JAZF1: variants seen among roughly 807,000 people sequenced by gnomAD.
The protein encoded by JAZF1 is juxtaposed with another zinc finger protein 1.
In JAZF1, 8 loss-of-function variants were observed where a neutral mutation model predicts 26.4. That is an observed-to-expected ratio of 0.30 (90% CI 0.18 to 0.55). The LOEUF (loss-of-function observed/expected upper bound fraction) is 0.55, where lower values mean the gene tolerates loss of function less well. Ranked by LOEUF, JAZF1 falls within the 20% of genes least tolerant of loss-of-function variation. The pLI is 0.94. For synonymous variants in JAZF1, 126 were observed against 122.3 expected (o/e 1.03, Z -0.20); for missense variants, 199 against 322.0 (o/e 0.62, Z 2.92).
intron 1 of JAZF1, among the ~76,000 whole-genome samples, chr7:28,158,342 C>T (rs560533943): frequency 1.1e-3 from 161 of 152,236 alleles, no homozygotes; most frequent in Middle Eastern, 3.4e-3. Context: ...ATTGGTGGGG[C>T]TTTCCAGTAA....
intron 1 of JAZF1, among the ~76,000 whole-genome samples, chr7:28,042,556 G>C (rs759019168): frequency 4.6e-5 from 7 of 152,210 alleles, no homozygotes; most frequent in Admixed American, 1.3e-4. Flanking sequence ...TTAACCAACT[G>C]CTTGGCAGGA....
At chr7:28,034,114 A>T (rs1783244201) in intron 1 of JAZF1, among the ~76,000 whole-genome samples, 1 of 152,174 alleles carries the variant, frequency 6.6e-6, no homozygotes, top group African/African-American at 2.4e-5. Flanking sequence ...CTAAAAAAAA[A>T]TTATCTTTTA....
intron 1 of JAZF1, among the ~76,000 whole-genome samples, chr7:28,122,364 G>C (rs9648026): frequency 6.6e-6 from 1 of 152,124 alleles, no homozygotes; most frequent in Non-Finnish European, 1.5e-5. Flanking sequence ...ATGCTCTGTA[G>C]CTCAGCTTAT....
At chr7:28,010,540 C>G (rs1782782884) in intron 1 of JAZF1, among the ~76,000 whole-genome samples, 1 of 152,202 alleles carries the variant, frequency 6.6e-6, no homozygotes, top group Admixed American at 6.5e-5. Context: ...AACACCTCGT[C>G]CTCACCTGCT....
intron 3 of JAZF1, chr7:27,864,137 G>A (rs1291134289): frequency 2.6e-5 from 4 of 152,234 alleles, no homozygotes; most frequent in African/African-American, 9.7e-5. Flanking sequence ...GATGCACAGA[G>A]GAGGCTGTGA....
chr7:27,966,423 G>A (rs1289749582), intron 2 of JAZF1, among the ~76,000 whole-genome samples: 1 of 152,212 alleles, frequency 6.6e-6, no homozygotes, highest in Non-Finnish European at 1.5e-5. Flanking sequence ...GTTTGGCAAC[G>A]GATGGAGGTA....
chr7:27,881,662 G>A (rs1222888280), intron 3 of JAZF1, among the ~76,000 whole-genome samples: 1 of 152,130 alleles, frequency 6.6e-6, no homozygotes, highest in Non-Finnish European at 1.5e-5. Context: ...ATCCTACATT[G>A]ATGGCCCAGC....
intron 1 of JAZF1, among the ~76,000 whole-genome samples, chr7:28,157,234 G>A (rs944464620): frequency 2.0e-5 from 3 of 152,234 alleles, no homozygotes; most frequent in African/African-American, 4.8e-5. Context: ...CCCACAGGCT[G>A]ATAAGCAGAC....
chr7:27,875,813 C>T (rs933966035), intron 3 of JAZF1, among the ~76,000 whole-genome samples: 1 of 152,212 alleles, frequency 6.6e-6, no homozygotes, highest in Non-Finnish European at 1.5e-5. Flanking sequence ...GATGTTTGTT[C>T]AGTATATTAA....
At chr7:28,021,642 G>A (rs1783009710) in intron 1 of JAZF1, among the ~76,000 whole-genome samples, 1 of 152,188 alleles carries the variant, frequency 6.6e-6, no homozygotes, top group Non-Finnish European at 1.5e-5. Flanking sequence ...GGCAGGGTCG[G>A]AGGACAGAGG....
chr7:27,911,661 G>T, intron 2 of JAZF1, among the ~76,000 whole-genome samples: 1 of 152,172 alleles, frequency 6.6e-6, no homozygotes, highest in East Asian at 1.9e-4. Context: ...ATTGAGCAGT[G>T]CTGTTACAAC....
chr7:28,072,048 C>T (rs989559857), intron 1 of JAZF1, among the ~76,000 whole-genome samples: 2 of 152,186 alleles, frequency 1.3e-5, no homozygotes, highest in Non-Finnish European at 2.9e-5. Flanking sequence ...GTCTTCTGTT[C>T]TAAAATCCAT....
At chr7:28,164,957 C>T (rs1783343542) in intron 1 of JAZF1, among the ~76,000 whole-genome samples, 1 of 152,080 alleles carries the variant, frequency 6.6e-6, no homozygotes, top group Admixed American at 6.5e-5. Context: ...TCACTTTAGC[C>T]CAGGAGTTTG....
At chr7:27,878,949 C>G (rs1783724557) in intron 3 of JAZF1, among the ~76,000 whole-genome samples, 1 of 152,178 alleles carries the variant, frequency 6.6e-6, no homozygotes, top group Non-Finnish European at 1.5e-5. Flanking sequence ...GTTTTCCATT[C>G]TTTTGAATAT....
At chr7:27,886,752 T>C (rs538175238) in intron 3 of JAZF1, among the ~76,000 whole-genome samples, 8 of 152,384 alleles carry the variant, frequency 5.2e-5, no homozygotes, top group African/African-American at 1.9e-4. Flanking sequence ...TGCTTTTCTG[T>C]ATCCCCAATA....
rs145377916 is a variant in JAZF1, at chr7:27,943,719, G to A, written c.188+48190C>T. Among the ~76,000 whole-genome samples, 573 of 152,304 alleles carry A rather than the reference G, an allele frequency of 3.8e-3. 2 individuals are homozygous for A. The highest frequency in any genetic ancestry group is 0.013 in the African/African-American group (542 of 41,558). ...CATTCGCTGCTTTCCCATAAAGTGA[G>A]CATGCCTGTGCTTTCTTTGATGAGT... On this transcript the variant is annotated intron_variant, in intron 2 of 4. Coordinates refer to ENST00000283928, the MANE Select transcript of JAZF1 (RefSeq NM_175061.4).
intron 1 of JAZF1, among the ~76,000 whole-genome samples, chr7:28,091,165 TTAC>T (rs1161464409): frequency 2.0e-5 from 3 of 152,148 alleles, no homozygotes; most frequent in Non-Finnish European, 2.9e-5. Flanking sequence ...ATTAAAATTA[TTAC>T]TATTTTTTCT....
At chr7:28,149,900 G>A (rs1382437546) in intron 1 of JAZF1, among the ~76,000 whole-genome samples, 3 of 152,154 alleles carry the variant, frequency 2.0e-5, no homozygotes, top group Non-Finnish European at 2.9e-5. Flanking sequence ...ATGCTGATTG[G>A]AAAGTCCCTT....
At chr7:28,162,622 G>A (rs1002616964) in intron 1 of JAZF1, among the ~76,000 whole-genome samples, 1 of 152,234 alleles carries the variant, frequency 6.6e-6, no homozygotes, top group African/African-American at 2.4e-5. Context: ...ACAGGTGTTA[G>A]AAGAATATTA....
Sources: gnomAD v4.1 joint callset for allele counts (sites outside exome capture counted in the v4.1 genomes callset) on GRCh38, gnomAD v4.1.1 for gene constraint, MANE v1.5 for transcripts, NCBI Gene and HGNC (gene_info 2026-07-23, HGNC 2026-07-21) for gene names.